Variants in DMD observed in about 807,000 individuals in gnomAD.
DMD encodes dystrophin, also known as mutant dystrophin.
DMD carries 63 observed loss-of-function variants against 330.1 expected under a neutral mutation model. That is an observed-to-expected ratio of 0.19 (90% CI 0.16 to 0.24). The LOEUF (loss-of-function observed/expected upper bound fraction) is 0.24. Among genes scored for constraint, DMD ranks in the 10% least tolerant of loss-of-function variants. The pLI is 1.00. For missense variants in DMD, 3,344 were observed against 2,684.1 expected, an observed-to-expected ratio of 1.25 and a Z score of -5.43; for synonymous variants, 1,223 against 959.8, an observed-to-expected ratio of 1.27 and a Z score of -5.07.
intron 42 of DMD, among the ~76,000 whole-genome samples, chrX:32,304,022 T>C (rs775375197): frequency 2.7e-5 from 3 of 111,562 alleles, no homozygotes; most frequent in Non-Finnish European, 5.7e-5. Context: ...CATGGTTTAT[T>C]GTCCCCATGT....
At chrX:32,785,315 A>G (rs150568785) in intron 7 of DMD, among the ~76,000 whole-genome samples, 2,335 of 111,210 alleles carry the variant, frequency 0.021, 50 homozygotes, top group African/African-American at 0.072. Context: ...GTAAGTAACA[A>G]TATTTAAGCT....
chrX:32,207,579 A>T (rs1213913105), intron 44 of DMD, among the ~76,000 whole-genome samples: 1 of 112,008 alleles, frequency 8.9e-6, no homozygotes, highest in African/African-American at 3.2e-5. Context: ...GGAGACTAGA[A>T]AATATTTCAA....
At position 31,658,006 on chromosome X, in the gene DMD, T is replaced by C. The variant is rs139254609; in HGVS notation, c.8011A>G (p.Arg2671Gly). 4 of 1,209,940 alleles carry C rather than the reference T, an allele frequency of 3.3e-6. No homozygotes were observed. The highest frequency in any genetic ancestry group is 4.5e-6 in the Non-Finnish European group (4 of 893,850). ...MITENINASWRSIHKRVSERE... is the reference protein window; with the variant it reads ...MITENINASWGSIHKRVSERE... The stretch of plus-strand genomic sequence containing the variant: ...AATTCATACCTTTTATGAATGCTTC[T>C]CCAAGAGGCATTGATATTCTCTGTT... Residue 2671 changes from arginine to glycine, a missense_variant, in exon 54 of 79, where the codon AGA becomes GGA. Transcript: ENST00000357033.
intron 1 of DMD, among the ~76,000 whole-genome samples, chrX:33,265,189 A>C (rs1220567055): frequency 1.8e-5 from 2 of 110,124 alleles, no homozygotes; most frequent in Non-Finnish European, 3.8e-5. Context: ...AGACTTGGCA[A>C]GTCTATATTT....
At chrX:32,377,190 T>C (rs182461376) in intron 34 of DMD, among the ~76,000 whole-genome samples, 1 of 111,798 alleles carries the variant, frequency 8.9e-6, no homozygotes, top group East Asian at 2.8e-4. Flanking sequence ...TTAACCAGTA[T>C]ATTAATTTTC....
In DMD at chrX:31,408,588, G is replaced by A. The variant is rs1271089933; in HGVS notation, c.9084+35893C>T. 4.5e-5 allele frequency among the ~76,000 whole-genome samples: 5 copies of A among 110,584 alleles called. No homozygotes were observed. The East Asian group carries it at 8.5e-4, about 19-fold the overall frequency. ...TAATTTTTGTATTTTTAGTGGAAAC[G>A]AGGTTTCACCGTGTTGGCCAGGCTG... On this transcript the variant is annotated intron_variant, in intron 60 of 78. Transcript: ENST00000357033.
At chrX:33,070,671 CTCTATATATATATATATATATA>C (rs2094737755) in intron 1 of DMD, among the ~76,000 whole-genome samples, 1 of 44,024 alleles carries the variant, frequency 2.3e-5, no homozygotes, top group African/African-American at 1.0e-4. Flanking sequence ...CTCTCTCTCT[CTCTATATATATATATATATATA>C]TATATATATA....
At chrX:31,507,137 C>G (rs1221359656) in intron 56 of DMD, 144 bp downstream of exon 56, 2 of 587,714 alleles carry the variant, frequency 3.4e-6, no homozygotes, top group Non-Finnish European at 5.7e-6. Context: ...ATAAATGATT[C>G]ATTTATTCAA....
At chrX:32,049,015 A>G (rs1251375344) in intron 44 of DMD, among the ~76,000 whole-genome samples, 1 of 111,346 alleles carries the variant, frequency 9.0e-6, no homozygotes, top group Non-Finnish European at 1.9e-5. Context: ...GGGATACTTG[A>G]GAACGAGAAG....
intron 43 of DMD, among the ~76,000 whole-genome samples, chrX:32,221,978 C>G (rs1015523579): frequency 9.0e-6 from 1 of 111,596 alleles, no homozygotes; most frequent in Non-Finnish European, 1.9e-5. Flanking sequence ...TTTTCTTTAT[C>G]CACTCATTGG....
rs1313604552 is a variant in DMD, at chrX:32,571,106, T to A, written c.1812+2424A>T. ...CTTGTGACTTTTTCAGCACACAGAA[T>A]ATGACTGACCATCACCATTATGATT... On this transcript the variant is annotated intron_variant, in intron 15 of 78. Transcript: ENST00000357033. Among the ~76,000 whole-genome samples the A allele has an allele frequency of 4.5e-5, 5 of 111,649 alleles. No homozygotes were observed. In the Admixed American group the frequency reaches 4.8e-4, roughly 11 times the overall value.
intron 6 of DMD, among the ~76,000 whole-genome samples, chrX:32,809,815 C>T (rs1435516366): frequency 5.7e-5 from 6 of 105,304 alleles, no homozygotes; most frequent in Admixed American, 5.3e-4. Flanking sequence ...GGTGTGGTGG[C>T]TCATGCCTGT....
At chrX:32,089,642 T>C (rs2096462819) in intron 44 of DMD, among the ~76,000 whole-genome samples, 1 of 112,233 alleles carries the variant, frequency 8.9e-6, no homozygotes, top group Non-Finnish European at 1.9e-5. Context: ...GGCCACATAG[T>C]ATTCCATGGT....
At chrX:31,662,481 C>G (rs2081184361) in intron 53 of DMD, among the ~76,000 whole-genome samples, 1 of 111,872 alleles carries the variant, frequency 8.9e-6, no homozygotes, top group Admixed American at 9.5e-5. Context: ...AAAGCAAGTG[C>G]ATAGCTCTAT....
intron 50 of DMD, among the ~76,000 whole-genome samples, chrX:31,806,873 C>T (rs776477028): frequency 1.8e-5 from 2 of 112,499 alleles, no homozygotes; most frequent in South Asian, 3.6e-4. Flanking sequence ...TTTTATTTTA[C>T]AGAAATTTTA....
intron 1 of DMD, among the ~76,000 whole-genome samples, chrX:33,045,721 AGG>A (rs1208295095): frequency 9.0e-6 from 1 of 111,314 alleles, no homozygotes; most frequent in African/African-American, 3.3e-5. Context: ...ATGTCCTCTT[AGG>A]GAACCAAAGT....
In DMD at chrX:31,875,139, C is replaced by A. The variant is rs191052962; in HGVS notation, c.7098+49G>T. On this transcript the variant is annotated intron_variant, in intron 48 of 78. Transcript: ENST00000357033. Reference sequence around the variant, plus strand: ...CAAATGAGAAAATTCAGTGATATTGCCATTTTTCTTAAAAAAGACAAAAAT... The same window carrying A: ...CAAATGAGAAAATTCAGTGATATTGACATTTTTCTTAAAAAAGACAAAAAT... 1.7e-4 allele frequency: 172 copies of A among 1,036,954 alleles called. 1 individual carries two copies. In the East Asian group the frequency reaches 4.5e-3, roughly 27 times the overall value. 85.5% of individuals were successfully genotyped at this position (1,036,954 alleles called of 1,213,427 possible). A position where few individuals can be genotyped will look rare whatever the true frequency, so the allele number is the denominator to read the frequency against.
intron 55 of DMD, among the ~76,000 whole-genome samples, chrX:31,625,431 G>A (rs2078784826): frequency 1.8e-5 from 2 of 111,558 alleles, no homozygotes; most frequent in African/African-American, 6.5e-5. Flanking sequence ...TGTGTAATAT[G>A]TGCCTTAGCT....
chrX:32,475,188 T>C, intron 21 of DMD, among the ~76,000 whole-genome samples: 2 of 111,098 alleles, frequency 1.8e-5, no homozygotes, highest in East Asian at 5.7e-4. Context: ...TATTTCTGGG[T>C]TCTCTATTCT....
Sources: gnomAD v4.1 joint callset for allele counts (sites outside exome capture counted in the v4.1 genomes callset) on GRCh38, gnomAD v4.1.1 for gene constraint, MANE v1.5 for transcripts, NCBI Gene and HGNC (gene_info 2026-07-23, HGNC 2026-07-21) for gene names.